Variants in GABRA1 observed in about 807,000 individuals in gnomAD.
GABRA1 encodes the protein gamma-aminobutyric acid receptor subunit alpha-1.
A neutral mutation model predicts 48.9 loss-of-function variants in GABRA1; 9 were observed. The observed-to-expected ratio is 0.18, with a 90% confidence interval of 0.11 to 0.32. The LOEUF is 0.32. GABRA1 is among the 10% of genes least tolerant of loss of function. The pLI is 1.00. For missense variants in GABRA1, 285 were observed against 553.8 expected (o/e 0.51, Z 4.87); for synonymous variants, 210 against 198.7 (o/e 1.06, Z -0.48).
intron 7 of GABRA1, among the ~76,000 whole-genome samples, chr5:161,890,090 C>T (rs948977669): frequency 3.3e-5 from 5 of 151,946 alleles, no homozygotes; most frequent in African/African-American, 9.7e-5. Context: ...ATAAGACTCT[C>T]CTGCAATTTG....
At position 161,897,203 on chromosome 5, in the gene GABRA1, G is replaced by C. The variant is rs777957860; in HGVS notation, c.1152G>C (p.Pro384=). ...SYTPNLARGD[P]GLATIAKSAT... Reference sequence around the variant, plus strand: ...CCCCTAATTTGGCCAGGGGCGACCCGGGCTTAGCCACCATTGCTAAAAGTG... The same window carrying C: ...CCCCTAATTTGGCCAGGGGCGACCCCGGCTTAGCCACCATTGCTAAAAGTG... Residue 384 remains proline (P), a synonymous_variant, in exon 10 of 10, where the codon CCG becomes CCC. Coordinates refer to ENST00000393943, the MANE Select transcript of GABRA1 (RefSeq NM_001127644.2). 7 of 1,614,028 alleles carry C rather than the reference G, an allele frequency of 4.3e-6. No homozygotes were observed. The South Asian group carries it at 4.4e-5, about 10-fold the overall frequency.
intron 3 of GABRA1, 69 bp from the exon 4 acceptor site, chr5:161,865,652 G>A: frequency 1.7e-6 from 2 of 1,205,820 alleles, no homozygotes; most frequent in Non-Finnish European, 2.5e-6. Flanking sequence ...TTGGGTGTCA[G>A]TATGTGGTGG....
intron 7 of GABRA1, among the ~76,000 whole-genome samples, chr5:161,885,497 G>T (rs575735307): frequency 2.0e-5 from 3 of 152,268 alleles, no homozygotes; most frequent in African/African-American, 4.8e-5. Context: ...CCCCTTGGTA[G>T]TTTAGAAAGT....
intron 9 of GABRA1, 119 bp from the exon 10 acceptor site, chr5:161,896,992 T>C: frequency 1.2e-6 from 1 of 857,786 alleles, no homozygotes; most frequent in South Asian, 1.5e-5. Flanking sequence ...AATTATGTTT[T>C]TAAATTCCTA....
At chr5:161,894,240 C>T (rs928040102) in intron 8 of GABRA1, among the ~76,000 whole-genome samples, 3 of 152,012 alleles carry the variant, frequency 2.0e-5, no homozygotes, top group Admixed American at 2.0e-4. Context: ...TTTATAAACC[C>T]CAGAAGCTCG....
At chr5:161,886,316 T>G (rs563157607) in intron 7 of GABRA1, among the ~76,000 whole-genome samples, 60 of 151,250 alleles carry the variant, frequency 4.0e-4, no homozygotes, top group African/African-American at 1.2e-3. Flanking sequence ...TTATTTACTG[T>G]GTGACTTTTG....
chr5:161,850,893 A>T lies in GABRA1; in HGVS notation c.74+9A>T, dbSNP rs41275339. The T allele has an allele frequency of 0.062, 99,210 of 1,610,000 alleles. 3,551 individuals are homozygous for T. The highest frequency in any genetic ancestry group is 0.13 in the Middle Eastern group (769 of 6,048). Reference sequence around the variant, plus strand: ...ACACTGACTGGAAGAAGGTGGGGACACTTTTTTAAAAATCTGCATGAAAAT... The same window carrying T: ...ACACTGACTGGAAGAAGGTGGGGACTCTTTTTTAAAAATCTGCATGAAAAT... On this transcript the variant is annotated intron_variant, in intron 2 of 9. Transcript: ENST00000393943.
chr5:161,883,388 G>C (rs907060348), intron 7 of GABRA1, among the ~76,000 whole-genome samples: 4 of 152,128 alleles, frequency 2.6e-5, no homozygotes, highest in Non-Finnish European at 2.9e-5. Flanking sequence ...AACTAGACCT[G>C]ACACTGTGGA....
chr5:161,882,551 C>T lies in GABRA1; in HGVS notation c.560-7C>T. The T allele has an allele frequency of 6.2e-7, 1 of 1,612,616 alleles. No homozygotes were observed. The highest frequency in any genetic ancestry group is 1.1e-5 in the South Asian group (1 of 91,064). On this transcript the variant is annotated splice_region_variant and splice_polypyrimidine_tract_variant and intron_variant, in intron 6 of 9. Transcript: ENST00000393943. ...TATATGGATCATTTTCTACTGTTTC[C>T]TTTTAGATGCTTATACAAGAGCAGA... is the stretch of plus-strand genomic sequence containing the variant.
intron 4 of GABRA1, among the ~76,000 whole-genome samples, chr5:161,866,510 T>G (rs1436287812): frequency 6.6e-6 from 1 of 152,084 alleles, no homozygotes; most frequent in African/African-American, 2.4e-5. Flanking sequence ...TATGAATATT[T>G]CAAAGATACA....
At chr5:161,865,647 T>G in intron 3 of GABRA1, 74 bp from the exon 4 acceptor site, 1 of 1,133,312 alleles carries the variant, frequency 8.8e-7, no homozygotes, top group Non-Finnish European at 1.3e-6. Context: ...CCCATTTGGG[T>G]GTCAGTATGT....
intron 4 of GABRA1, among the ~76,000 whole-genome samples, chr5:161,869,465 AC>A (rs1754015160): frequency 6.6e-6 from 1 of 152,160 alleles, no homozygotes; most frequent in African/African-American, 2.4e-5. Flanking sequence ...GGAATAGCAA[AC>A]AAAATTAGGA....
intron 7 of GABRA1, among the ~76,000 whole-genome samples, chr5:161,886,753 G>A (rs1360847509): frequency 6.6e-6 from 1 of 151,954 alleles, no homozygotes; most frequent in Non-Finnish European, 1.5e-5. Flanking sequence ...CTCCAACCTG[G>A]GTGACAGAGT....
At chr5:161,887,026 C>T (rs936629323) in intron 7 of GABRA1, among the ~76,000 whole-genome samples, 6 of 151,938 alleles carry the variant, frequency 3.9e-5, no homozygotes, top group African/African-American at 9.7e-5. Context: ...AAATTGATCA[C>T]GAAGCATAAC....
At chr5:161,852,686 C>T (rs1270838023) in intron 2 of GABRA1, among the ~76,000 whole-genome samples, 1 of 151,758 alleles carries the variant, frequency 6.6e-6, no homozygotes, top group African/African-American at 2.4e-5. Flanking sequence ...AGAGAGTAAG[C>T]CCTCAATCTG....
At chr5:161,864,440 C>A (rs1757977504) in intron 3 of GABRA1, among the ~76,000 whole-genome samples, 1 of 151,894 alleles carries the variant, frequency 6.6e-6, no homozygotes, top group African/African-American at 2.4e-5. Context: ...TATAACATGA[C>A]CTTCTAGGGA....
chr5:161,872,851 T>C (rs1754181913), intron 4 of GABRA1, among the ~76,000 whole-genome samples: 1 of 152,156 alleles, frequency 6.6e-6, no homozygotes, highest in African/African-American at 2.4e-5. Flanking sequence ...TACTTTCCTT[T>C]TACATATCTG....
chr5:161,857,569 G>A (rs1757698842), intron 3 of GABRA1, among the ~76,000 whole-genome samples: 1 of 151,544 alleles, frequency 6.6e-6, no homozygotes, highest in Admixed American at 6.6e-5. Flanking sequence ...ATAAAAGGAT[G>A]ACTAATAAAG....
chr5:161,849,913 A>C (rs143538125), intron 1 of GABRA1, among the ~76,000 whole-genome samples: 49 of 152,314 alleles, frequency 3.2e-4, no homozygotes, highest in African/African-American at 1.1e-3. Context: ...TAAATTCAAC[A>C]ATCAGATGGT....
Sources: gnomAD v4.1 joint callset for allele counts (sites outside exome capture counted in the v4.1 genomes callset) on GRCh38, gnomAD v4.1.1 for gene constraint, MANE v1.5 for transcripts, NCBI Gene and HGNC (gene_info 2026-07-23, HGNC 2026-07-21) for gene names.